Variants in DLG2 observed in about 807,000 individuals in gnomAD.
DLG2 encodes discs large MAGUK scaffold protein 2, also known as disks large homolog 2.
DLG2 carries 45 observed loss-of-function variants against 132.5 expected under a neutral mutation model. That is an observed-to-expected ratio of 0.34 (90% CI 0.27 to 0.44). The LOEUF is 0.44. DLG2 is among the 20% of genes least tolerant of loss of function. The pLI, the probability that DLG2 is intolerant of heterozygous loss-of-function variation, is 1.00. For missense variants in DLG2, 1,045 were observed against 1,196.9 expected, an observed-to-expected ratio of 0.87 and a Z score of 1.87; for synonymous variants, 424 against 419.6, an observed-to-expected ratio of 1.01 and a Z score of -0.13.
intron 21 of DLG2, among the ~76,000 whole-genome samples, chr11:83,499,518 T>C (rs996283710): frequency 6.6e-6 from 1 of 151,900 alleles, no homozygotes; most frequent in South Asian, 2.1e-4. Flanking sequence ...TCTGTACGAA[T>C]TGACATTTCC....
At chr11:84,819,112 C>T (rs561070572) in intron 6 of DLG2, among the ~76,000 whole-genome samples, 2 of 151,322 alleles carry the variant, frequency 1.3e-5, no homozygotes, top group East Asian at 3.9e-4. Flanking sequence ...CACACAATTT[C>T]GTTTGATGCT....
At chr11:84,318,910 G>T (rs190172129) in intron 7 of DLG2, among the ~76,000 whole-genome samples, 105 of 152,216 alleles carry the variant, frequency 6.9e-4, no homozygotes, top group Middle Eastern at 3.4e-3. Flanking sequence ...TGGTTGGGTG[G>T]AAGTATAAAT....
At chr11:84,757,911 C>T (rs980460933) in intron 6 of DLG2, among the ~76,000 whole-genome samples, 6 of 152,256 alleles carry the variant, frequency 3.9e-5, no homozygotes, top group Admixed American at 6.5e-5. Flanking sequence ...AAAGGCATGC[C>T]TCTTATCCTA....
intron 22 of DLG2, among the ~76,000 whole-genome samples, chr11:83,478,433 G>C (rs2092803134): frequency 1.3e-5 from 2 of 152,046 alleles, no homozygotes; most frequent in South Asian, 2.1e-4. Context: ...TGAGATGCCT[G>C]CAAGTGTTTC....
intron 3 of DLG2, among the ~76,000 whole-genome samples, chr11:85,462,757 A>T (rs2092658022): frequency 6.6e-6 from 1 of 152,104 alleles, no homozygotes; most frequent in Non-Finnish European, 1.5e-5. Context: ...CATATGTAAC[A>T]AACGTGCACG....
At chr11:85,376,071 A>G (rs1409875837) in intron 3 of DLG2, among the ~76,000 whole-genome samples, 1 of 152,248 alleles carries the variant, frequency 6.6e-6, no homozygotes, top group Non-Finnish European at 1.5e-5. Flanking sequence ...GTAGTTATAG[A>G]GCACATACTC....
At chr11:84,273,906 GC>G (rs1260175171) in intron 7 of DLG2, among the ~76,000 whole-genome samples, 1 of 152,100 alleles carries the variant, frequency 6.6e-6, no homozygotes, top group Non-Finnish European at 1.5e-5. Flanking sequence ...CTAAAGACAA[GC>G]CAGAAGGCAT....
At chr11:83,728,393 G>A (rs1315737810) in intron 18 of DLG2, among the ~76,000 whole-genome samples, 1 of 152,146 alleles carries the variant, frequency 6.6e-6, no homozygotes, top group Non-Finnish European at 1.5e-5. Flanking sequence ...ACTTTATACA[G>A]ACAGCTCTTT....
At chr11:84,824,948 T>C (rs2078155789) in intron 6 of DLG2, among the ~76,000 whole-genome samples, 1 of 151,892 alleles carries the variant, frequency 6.6e-6, no homozygotes, top group African/African-American at 2.4e-5. Flanking sequence ...CTATCCAAAC[T>C]GACCTTGATT....
At chr11:85,082,518 A>G (rs1719154460) in intron 6 of DLG2, among the ~76,000 whole-genome samples, 1 of 152,118 alleles carries the variant, frequency 6.6e-6, no homozygotes, top group Non-Finnish European at 1.5e-5. Context: ...CCACCAAAAA[A>G]GCAGAAGACC....
intron 6 of DLG2, among the ~76,000 whole-genome samples, chr11:84,776,592 C>T (rs1392436621): frequency 6.6e-6 from 1 of 152,102 alleles, no homozygotes; most frequent in African/African-American, 2.4e-5. Context: ...TCCTGGCAAC[C>T]ACTGATCTGA....
rs558249800 is a variant in DLG2, at chr11:84,188,819, TA to T, written c.574-25309del. 7.2e-4 allele frequency among the ~76,000 whole-genome samples: 108 copies of T among 151,036 alleles called. 1 individual carries two copies. The South Asian group carries it at 0.017, about 23-fold the overall frequency. ...AGCCTGGACTCAGTGATTATTTATTTAAAAAAAAAGGGAGGACAGTCTGTAG... is the reference window on the plus strand; with the variant it reads ...AGCCTGGACTCAGTGATTATTTATTTAAAAAAAAGGGAGGACAGTCTGTAG... On this transcript the variant is annotated intron_variant, in intron 8 of 27. Transcript: ENST00000376104.
upstream of DLG2, among the ~76,000 whole-genome samples, chr11:85,628,341 G>T (rs573340510): frequency 8.4e-4 from 128 of 152,336 alleles, no homozygotes; most frequent in Non-Finnish European, 1.5e-3. Context: ...AGAGATCAGG[G>T]AGCTAAGCTG....
intron 7 of DLG2, among the ~76,000 whole-genome samples, chr11:84,305,855 A>T (rs531670204): frequency 5.6e-4 from 86 of 152,292 alleles, no homozygotes; most frequent in African/African-American, 2.0e-3. Flanking sequence ...GAGTTTTATT[A>T]TCTGACTTGA....
At chr11:83,649,224 A>C (rs867136147) in intron 18 of DLG2, among the ~76,000 whole-genome samples, 3 of 152,090 alleles carry the variant, frequency 2.0e-5, no homozygotes, top group African/African-American at 7.2e-5. Flanking sequence ...ATCCACTGTG[A>C]AGTGAGGAAT....
chr11:84,505,373 A>G (rs565515363), intron 7 of DLG2, among the ~76,000 whole-genome samples: 23 of 152,310 alleles, frequency 1.5e-4, no homozygotes, highest in African/African-American at 5.3e-4. Flanking sequence ...AAGAATCCTA[A>G]GAGATAAGTG....
intron 18 of DLG2, among the ~76,000 whole-genome samples, chr11:83,747,028 G>C (rs2153729248): frequency 1.3e-5 from 2 of 152,224 alleles, no homozygotes; most frequent in South Asian, 4.1e-4. Context: ...GAGCCAAGAA[G>C]AAAAGAAAAT....
chr11:84,730,761 T>C (rs1435598250), intron 6 of DLG2, among the ~76,000 whole-genome samples: 1 of 151,914 alleles, frequency 6.6e-6, no homozygotes, highest in Non-Finnish European at 1.5e-5. Context: ...ATGAGGTGTC[T>C]TACATACCCC....
rs551756431 is a variant in DLG2, at chr11:85,120,089, T to C, written c.283-8354A>G. Among the ~76,000 whole-genome samples the C allele has an allele frequency of 5.3e-5, 8 of 152,204 alleles. No individual in the cohort carries two copies. The East Asian group carries it at 7.7e-4, about 15-fold the overall frequency. On this transcript the variant is annotated intron_variant, in intron 5 of 27. Transcript: ENST00000376104. ...TACACATGGAATGCCACCAAGTTAA[T>C]TGTACAGAGCTTTCTCTTATCGGAG...
Sources: allele counts gnomAD v4.1 joint callset (sites outside exome capture counted in the v4.1 genomes callset), GRCh38; gene constraint gnomAD v4.1.1; transcripts MANE v1.5; gene names NCBI Gene and HGNC (gene_info 2026-07-23, HGNC 2026-07-21).